PFKFB1: variants seen among roughly 807,000 people sequenced by gnomAD.
The protein encoded by PFKFB1 is 6-phosphofructo-2-kinase/fructose-2,6-biphosphatase 1.
A neutral mutation model predicts 46.4 loss-of-function variants in PFKFB1; 34 were observed. The observed-to-expected ratio is 0.73, with a 90% confidence interval of 0.56 to 0.98. The LOEUF is 0.98. PFKFB1 is among the 50% of genes least tolerant of loss of function. The probability of loss-of-function intolerance (pLI) is 0.00; values close to 1 mark genes in which losing one functional copy is unlikely to be tolerated. For missense variants in PFKFB1, 393 were observed against 376.3 expected, an observed-to-expected ratio of 1.04 and a Z score of -0.37; for synonymous variants, 119 against 133.8, an observed-to-expected ratio of 0.89 and a Z score of 0.76.
chrX:54,982,135 A>G (rs779377419), intron 1 of PFKFB1, among the ~76,000 whole-genome samples: 1 of 112,058 alleles, frequency 8.9e-6, no homozygotes, highest in African/African-American at 3.2e-5. Context: ...TCAACATAAA[A>G]TCTCCAGAAA....
rs781667281 is a variant in PFKFB1, at chrX:54,986,898, A to T, written c.97+7013T>A. On this transcript the variant is annotated intron_variant, in intron 1 of 13. Coordinates refer to ENST00000375006, the MANE Select transcript of PFKFB1 (RefSeq NM_002625.4). ...AGAGAGAACTTTGGGAAATTCACAA[A>T]TATGGGAACCTAAAGGAAACAGAAG... Among the ~76,000 whole-genome samples the T allele has an allele frequency of 4.5e-5, 5 of 111,354 alleles. No individual in the cohort carries two copies. The South Asian group carries it at 1.9e-3, about 41-fold the overall frequency.
intron 8 of PFKFB1, among the ~76,000 whole-genome samples, chrX:54,949,424 CAGAGAGAGAGAG>C (rs3028350): frequency 7.5e-5 from 7 of 93,933 alleles, no homozygotes; most frequent in Admixed American, 1.2e-4. Flanking sequence ...AAGAGCATGA[CAGAGAGAGAGAG>C]AGAGAGAGAG....
At chrX:54,941,837 T>A (rs112166025) in intron 10 of PFKFB1, among the ~76,000 whole-genome samples, 5,185 of 111,493 alleles carry the variant, frequency 0.047, 319 homozygotes, top group African/African-American at 0.16. Context: ...CAGTGTGGCG[T>A]CTCCTCAGGG....
At chrX:54,934,265 G>A (rs1174446160) in intron 12 of PFKFB1, among the ~76,000 whole-genome samples, 1 of 112,318 alleles carries the variant, frequency 8.9e-6, no homozygotes. Context: ...GCCGTGTTAG[G>A]TGGTGAAGAG....
At chrX:54,995,999 G>A (rs1338037248), upstream of PFKFB1, among the ~76,000 whole-genome samples, 1 of 112,225 alleles carries the variant, frequency 8.9e-6, no homozygotes, top group Non-Finnish European at 1.9e-5. Context: ...TAAGAAAACT[G>A]AGGTCTAGAA....
intron 1 of PFKFB1, among the ~76,000 whole-genome samples, chrX:54,966,316 C>A (rs1163345988): frequency 8.9e-6 from 1 of 111,951 alleles, no homozygotes; most frequent in Non-Finnish European, 1.9e-5. Flanking sequence ...GTAGGTAGAT[C>A]AGAGAAGACA....
At chrX:54,933,538 C>A in intron 13 of PFKFB1, 76 bp from the exon 14 acceptor site, 1 of 829,517 alleles carries the variant, frequency 1.2e-6, no homozygotes, top group South Asian at 2.2e-5. Context: ...CTCTTGTCTT[C>A]ATTGCCAGGC....
intron 1 of PFKFB1, among the ~76,000 whole-genome samples, chrX:54,974,831 C>T (rs140473137): frequency 0.046 from 5,065 of 111,315 alleles, 306 homozygotes; most frequent in African/African-American, 0.16. Flanking sequence ...GATATATAAA[C>T]AGCGAACAAA....
intron 9 of PFKFB1, among the ~76,000 whole-genome samples, 180 bp from the exon 10 acceptor site, chrX:54,945,723 T>TGC (rs1569546720): frequency 1.0e-5 from 1 of 99,296 alleles, no homozygotes; most frequent in Non-Finnish European, 2.0e-5. Flanking sequence ...TGTGTGTGCG[T>TGC]GTGTGTGTGT....
At chrX:54,940,600 GACAA>G (rs1435371882) in intron 10 of PFKFB1, among the ~76,000 whole-genome samples, 43 of 111,756 alleles carry the variant, frequency 3.8e-4, no homozygotes, top group African/African-American at 1.3e-3. Context: ...ACCAAAAACA[GACAA>G]ACAGAGAGCC....
chrX:54,944,523 G>GAAAA (rs1933745802), intron 10 of PFKFB1, among the ~76,000 whole-genome samples: 1 of 111,917 alleles, frequency 8.9e-6, no homozygotes, highest in Non-Finnish European at 1.9e-5. Context: ...GAAAGTAAAT[G>GAAAA]AATAGCTAAA....
At position 54,979,092 on chromosome X, in the gene PFKFB1, T is replaced by C. The variant is rs973497966; in HGVS notation, c.97+14819A>G. Reference sequence around the variant, plus strand: ...TTAGTTTTGACAAATATACCATGCTTATGTAAAGTGATAACATTGGTGGAA... The same window carrying C: ...TTAGTTTTGACAAATATACCATGCTCATGTAAAGTGATAACATTGGTGGAA... On this transcript the variant is annotated intron_variant, in intron 1 of 13. Transcript: ENST00000375006. Among the ~76,000 whole-genome samples, 37 of 111,850 alleles carry C rather than the reference T, an allele frequency of 3.3e-4. 1 individual carries two copies. The highest frequency in any genetic ancestry group is 6.4e-4 in the Non-Finnish European group (34 of 52,967).
At chrX:54,941,260 TAAACGTTAGACCTA>T (rs1933621353) in intron 10 of PFKFB1, among the ~76,000 whole-genome samples, 1 of 111,898 alleles carries the variant, frequency 8.9e-6, no homozygotes, top group South Asian at 3.8e-4. Flanking sequence ...ATGAAAGACT[TAAACGTTAGACCTA>T]AAACCATAAA....
chrX:54,981,195 T>C (rs766879276), intron 1 of PFKFB1, among the ~76,000 whole-genome samples: 1 of 110,740 alleles, frequency 9.0e-6, no homozygotes, highest in Non-Finnish European at 1.9e-5. Context: ...AAGAAAAGAA[T>C]TGATGAAAGA....
intron 1 of PFKFB1, among the ~76,000 whole-genome samples, chrX:54,982,121 T>A (rs1038457223): frequency 8.9e-6 from 1 of 111,915 alleles, no homozygotes; most frequent in African/African-American, 3.2e-5. Flanking sequence ...TAAAATAATT[T>A]AGTTCAACAT....
intron 10 of PFKFB1, among the ~76,000 whole-genome samples, chrX:54,940,467 A>G (rs1276175820): frequency 8.9e-6 from 1 of 111,811 alleles, no homozygotes; most frequent in Non-Finnish European, 1.9e-5. Flanking sequence ...TGTTTGCAGA[A>G]GACATGATTG....
At chrX:54,969,405 G>A (rs1271005081) in intron 1 of PFKFB1, among the ~76,000 whole-genome samples, 1 of 111,644 alleles carries the variant, frequency 9.0e-6, no homozygotes, top group African/African-American at 3.3e-5. Flanking sequence ...GGATGATGCA[G>A]CAAGAAGGCC....
intron 1 of PFKFB1, among the ~76,000 whole-genome samples, chrX:54,992,073 T>C (rs1935256742): frequency 9.0e-6 from 1 of 111,284 alleles, no homozygotes; most frequent in African/African-American, 3.3e-5. Context: ...TTTTTGCATC[T>C]ATGGTCTGAT....
chrX:54,950,038 G>T (rs914160254), intron 8 of PFKFB1, among the ~76,000 whole-genome samples: 2 of 111,725 alleles, frequency 1.8e-5, no homozygotes, highest in Non-Finnish European at 1.9e-5. Flanking sequence ...AACACTGGCA[G>T]CACCGAGGGG....
Sources: gnomAD v4.1 joint callset for allele counts (sites outside exome capture counted in the v4.1 genomes callset) on GRCh38, gnomAD v4.1.1 for gene constraint, MANE v1.5 for transcripts, NCBI Gene and HGNC (gene_info 2026-07-23, HGNC 2026-07-21) for gene names.